Variants in CEP250 observed in about 807,000 individuals in gnomAD.
CEP250 encodes the protein centrosome-associated protein CEP250.
In CEP250, 242 loss-of-function variants were observed where a neutral mutation model predicts 315.7. The observed-to-expected ratio is 0.77, with a 90% CI of 0.69 to 0.85. CEP250 has a LOEUF of 0.85. Ranked by LOEUF, CEP250 falls within the 40% of genes least tolerant of loss-of-function variation. The pLI, the probability that CEP250 is intolerant of heterozygous loss-of-function variation, is 0.00. For synonymous variants in CEP250, 1,088 were observed against 1,175.0 expected (o/e 0.93, Z 1.51); for missense variants, 2,515 against 2,886.4 (o/e 0.87, Z 2.95).
chr20:35,479,226 C>G lies in CEP250; in HGVS notation c.2095-5C>G, dbSNP rs376428181. 4 of 1,612,968 alleles carry G rather than the reference C, an allele frequency of 2.5e-6. No individual in the cohort carries two copies. The highest frequency in any genetic ancestry group is 3.4e-6 in the Non-Finnish European group (4 of 1,179,318). On this transcript the variant is annotated splice_region_variant and splice_polypyrimidine_tract_variant and intron_variant, in intron 17 of 34. Coordinates refer to ENST00000397527, the MANE Select transcript of CEP250 (RefSeq NM_007186.6). ...CTCCATCTCTCACCACATTCTTCCC[C>G]TCAGTCACGTCACCAGCAGGAGGCA...
intron 8 of CEP250, 106 bp downstream of exon 8, chr20:35,467,178 G>GGGGGGGGT: frequency 2.0e-6 from 1 of 507,406 alleles, no homozygotes; most frequent in South Asian, 1.7e-5. Flanking sequence ...GGGTGGGTGG[G>GGGGGGGGT]GGAGTTGGTA....
chr20:35,502,087 C>A, intron 29 of CEP250, 121 bp downstream of exon 29: 2 of 1,185,726 alleles, frequency 1.7e-6, no homozygotes, highest in Non-Finnish European at 2.4e-6. Flanking sequence ...TGGCTGTCTC[C>A]ATGTCCCTGG....
Position 35,511,721 on chromosome 20 carries a change from G to C in CEP250, c.*95G>C. 1 of 1,475,122 alleles carries C rather than the reference G, an allele frequency of 6.8e-7. No individual in the cohort carries two copies. The highest frequency in any genetic ancestry group is 9.0e-7 in the Non-Finnish European group (1 of 1,115,260). 91.4% of individuals were successfully genotyped at this position (1,475,122 alleles called of 1,614,324 possible). A position where few individuals can be genotyped will look rare whatever the true frequency, so the allele number is the denominator to read the frequency against. On this transcript the variant is annotated 3_prime_UTR_variant, in exon 35 of 35. Transcript: ENST00000397527. Reference sequence around the variant, plus strand: ...TTTGCCAAAGGAAAAGCCTGGCTCTGTTAGGCACCCAGGAGCCCCAGGTCG... The same window carrying C: ...TTTGCCAAAGGAAAAGCCTGGCTCTCTTAGGCACCCAGGAGCCCCAGGTCG...
rs757170525 is a variant in CEP250, at chr20:35,503,854, G to A, written c.5485G>A (p.Ala1829Thr). Residue 1829 changes from alanine (A) to threonine (T), a missense_variant, in exon 30 of 35, where the codon GCC becomes ACC. Transcript: ENST00000397527. The surrounding 1 kb of genome is among the most constrained non-coding windows in gnomAD (Gnocchi z 4.2). ...GGCTCTGCAGCAAGAACAGCAGCAG[G>A]CCCAGGGACAGGAGGAGAGGGTGAA... ...LEALQQEQQQAQGQEERVKEK... is the reference protein window; with the variant it reads ...LEALQQEQQQTQGQEERVKEK... 4 of 1,613,970 alleles carry A rather than the reference G, an allele frequency of 2.5e-6. No individual in the cohort carries two copies. Among genetic ancestry groups the A allele is most frequent in the Non-Finnish European group, 3.4e-6 (4 of 1,179,962 alleles).
chr20:35,473,551 A>G lies in CEP250; in HGVS notation c.1387A>G (p.Lys463Glu). 6.2e-7 allele frequency: 1 copy of G among 1,609,604 alleles called. No individual in the cohort carries two copies. The highest frequency in any genetic ancestry group is 8.5e-7 in the Non-Finnish European group (1 of 1,177,680). Residue 463 changes from lysine (K) to glutamate (E), a missense_variant and splice_region_variant, in exon 13 of 35, where the codon AAG becomes GAG. Transcript: ENST00000397527. Reference sequence around the variant, plus strand: ...CCAGGGAGAGGTGGACTCTCTCAGCAAGTGAGCAGACGGGCTGTTCATCCC... The same window carrying G: ...CCAGGGAGAGGTGGACTCTCTCAGCGAGTGAGCAGACGGGCTGTTCATCCC... ...DLQGEVDSLS[K>E]ERELLQKARE...
At chr20:35,457,718 GA>G (rs1467035709) in intron 1 of CEP250, among the ~76,000 whole-genome samples, 1 of 152,166 alleles carries the variant, frequency 6.6e-6, no homozygotes, top group African/African-American at 2.4e-5. Flanking sequence ...AGAATTGCCT[GA>G]ACCGGGGAGG....
intron 14 of CEP250, 77 bp downstream of exon 14, chr20:35,474,129 G>A: frequency 1.6e-6 from 2 of 1,226,096 alleles, no homozygotes; most frequent in South Asian, 3.2e-5. Context: ...ACTCCCCTCT[G>A]TTACAAAGTA....
intron 20 of CEP250, among the ~76,000 whole-genome samples, chr20:35,485,125 C>A (rs138034110): frequency 0.021 from 3,190 of 150,796 alleles, 74 homozygotes; most frequent in South Asian, 0.12. Context: ...GTAATCCCAG[C>A]ACTTTGGGAG....
In CEP250 at chr20:35,512,626, G is replaced by C. The variant is rs2064385331; in HGVS notation, c.*1000G>C. On this transcript the variant is annotated 3_prime_UTR_variant, in exon 35 of 35. Transcript: ENST00000397527. ...ACTTCTCACCCATGGACTGGTCCTA[G>C]TGGAGGCTGGACAGAACCCAGCTCA... The C allele has an allele frequency of 6.6e-6, 1 of 152,230 alleles. No homozygotes were observed. The highest frequency in any genetic ancestry group is 1.5e-5 in the Non-Finnish European group (1 of 68,048). The allele number at this position is 152,230 out of a possible 1,614,324, so 9.4% of individuals were successfully genotyped here.
intron 22 of CEP250, 92 bp from the exon 23 acceptor site, chr20:35,493,337 G>C (rs1286585181): frequency 2.5e-6 from 3 of 1,201,728 alleles, no homozygotes; most frequent in Admixed American, 5.4e-5. Context: ...TGGATTGCTG[G>C]CTCCTGCCTC....
At position 35,498,610 on chromosome 20, in the gene CEP250, G is replaced by A. The variant is rs748250345; in HGVS notation, c.3671G>A (p.Arg1224Lys). The A allele has an allele frequency of 1.2e-6, 2 of 1,604,484 alleles. No homozygotes were observed. Among genetic ancestry groups the A allele is most frequent in the Admixed American group, 1.8e-5 (1 of 56,708 alleles). The change falls in exon 27 of 35, where the codon AGG (arginine) becomes AAG (lysine). Residue 1224 changes from arginine to lysine, a missense_variant. By Grantham distance (26) the Arg-to-Lys change is conservative. Coordinates refer to ENST00000397527, the MANE Select transcript of CEP250 (RefSeq NM_007186.6). The stretch of plus-strand genomic sequence containing the variant: ...ATTTTTTCAGACCAGAATGGAGCTA[G>A]GAGCCTCTTTAAGAGAGGGCCCCTG... ...WGLEPDQNGA[R>K]SLFKRGPLLT...
In CEP250 at chr20:35,473,362, C is replaced by G. The variant is rs765532881; in HGVS notation, c.1210-12C>G. ...TGTTCATCATCTGGTTTCTCTTGCT[C>G]TCTCTCCACAGGACCTAAGGCAGCA... On this transcript the variant is annotated splice_polypyrimidine_tract_variant and intron_variant, in intron 12 of 34. Coordinates refer to ENST00000397527, the MANE Select transcript of CEP250 (RefSeq NM_007186.6). The G allele has an allele frequency of 5.6e-6, 9 of 1,602,912 alleles. No individual in the cohort carries two copies. The highest frequency in any genetic ancestry group is 3.4e-5 in the Admixed American group (2 of 58,564).
At position 35,462,485 on chromosome 20, in the gene CEP250, C is replaced by T. The variant is rs375512982; in HGVS notation, c.118C>T (p.Arg40Trp). ...GGCAGAGAATCAGGCAGCCTCCTGG[C>T]GGAAGCTGAAGAACTCCCAGGAGGC... is the stretch of plus-strand genomic sequence containing the variant. The part of the protein sequence containing the change: ...QMAENQAASW[R>W]KLKNSQEAQQ... The change falls in exon 4 of 35, where the codon CGG (arginine) becomes TGG (tryptophan). Residue 40 changes from arginine to tryptophan, a missense_variant. By Grantham distance (101) the Arg-to-Trp change is moderately radical. Transcript: ENST00000397527. 1.6e-5 allele frequency: 25 copies of T among 1,609,142 alleles called. No homozygotes were observed. Among genetic ancestry groups the T allele is most frequent in the African/African-American group, 1.2e-4 (9 of 74,930 alleles).
At chr20:35,470,447 G>A (rs572466112) in intron 10 of CEP250, among the ~76,000 whole-genome samples, 1 of 152,270 alleles carries the variant, frequency 6.6e-6, no homozygotes, top group South Asian at 2.1e-4. Flanking sequence ...GACTGACGCT[G>A]GGAAAAGAGA....
At chr20:35,507,957 A>T in intron 31 of CEP250, 78 bp from the exon 32 acceptor site, 1 of 1,602,454 alleles carries the variant, frequency 6.2e-7, no homozygotes, top group Non-Finnish European at 8.5e-7. Flanking sequence ...AACCTGCCAG[A>T]TTGGTCTGTG....
chr20:35,479,506 A>T (rs922309760), intron 18 of CEP250, 82 bp downstream of exon 18: 3 of 1,541,936 alleles, frequency 1.9e-6, no homozygotes, highest in African/African-American at 1.4e-5. Flanking sequence ...TGCCATAAGT[A>T]TGCAGGTCCT....
intron 12 of CEP250, 146 bp from the exon 13 acceptor site, chr20:35,473,228 T>C: frequency 1.6e-6 from 1 of 644,148 alleles, no homozygotes; most frequent in South Asian, 2.2e-5. Context: ...TCTGATGGCC[T>C]GTCTTCTTGA....
chr20:35,517,103 C>T lies in CEP250; in HGVS notation c.*5477C>T, dbSNP rs1050475763. 39 of 789,940 alleles carry T rather than the reference C, an allele frequency of 4.9e-5. No individual in the cohort carries two copies. Among genetic ancestry groups the T allele is most frequent in the Middle Eastern group, 6.4e-4 (1 of 1,562 alleles). The allele number at this position is 789,940 out of a possible 1,614,324, so 48.9% of individuals were successfully genotyped here. A position where few individuals can be genotyped will look rare whatever the true frequency, so the allele number is the denominator to read the frequency against. On this transcript the variant is annotated 3_prime_UTR_variant, in exon 35 of 35. Coordinates refer to ENST00000397527, the MANE Select transcript of CEP250 (RefSeq NM_007186.6). The stretch of plus-strand genomic sequence containing the variant: ...GGCCTCCATCCCTTCCTCAACCGTC[C>T]GCAGAACACCTCCTTCCAGCACCTT...
Position 35,465,772 on chromosome 20 carries a change from G to A in CEP250, c.273G>A (p.Val91=), listed in dbSNP as rs761615526. The A allele has an allele frequency of 6.2e-7, 1 of 1,608,794 alleles. No individual in the cohort carries two copies. The highest frequency in any genetic ancestry group is 1.7e-5 in the Admixed American group (1 of 59,134). Reference sequence around the variant, plus strand: ...CAATCCCCCAGAGGTGGGAAAATGTGGAGGAGCCAAACCTGGATGAGCTGC... The same window carrying A: ...CAATCCCCCAGAGGTGGGAAAATGTAGAGGAGCCAAACCTGGATGAGCTGC... ...GGPIPQRWEN[V]EEPNLDELLV... is the part of the protein sequence containing the mutation. The change falls in exon 6 of 35, where the codon GTG becomes GTA. Residue 91 remains valine, a synonymous_variant. Coordinates refer to ENST00000397527, the MANE Select transcript of CEP250 (RefSeq NM_007186.6).
Sources: gnomAD v4.1 joint callset for allele counts (sites outside exome capture counted in the v4.1 genomes callset) on GRCh38, gnomAD v4.1.1 for gene constraint, Gnocchi (gnomAD v3.1) non-coding constraint, MANE v1.5 for transcripts, NCBI Gene and HGNC (gene_info 2026-07-23, HGNC 2026-07-21) for gene names.